Variants in USH2A observed in about 807,000 individuals in gnomAD.
The protein encoded by USH2A is usherin.
A neutral mutation model predicts 538.9 loss-of-function variants in USH2A; 443 were observed. The ratio of observed to expected loss-of-function variants is 0.82; its 90% CI spans 0.76 to 0.89. The LOEUF is 0.89. Among genes scored for constraint, USH2A ranks in the 40% least tolerant of loss-of-function variants. The pLI is 0.00. For synonymous variants in USH2A, 2,413 were observed against 2,273.5 expected, an observed-to-expected ratio of 1.06 and a Z score of -1.75; for missense variants, 6,633 against 6,324.8, an observed-to-expected ratio of 1.05 and a Z score of -1.65.
intron 32 of USH2A, among the ~76,000 whole-genome samples, chr1:216,009,741 C>A (rs1668498181): frequency 6.6e-6 from 1 of 152,148 alleles, no homozygotes; most frequent in African/African-American, 2.4e-5. Flanking sequence ...CGCTCCTCCA[C>A]CCTATAATCC....
Position 215,630,521 on chromosome 1 carries a change from T to G in USH2A, c.15298-1486A>C, listed in dbSNP as rs1212147093. On this transcript the variant is annotated intron_variant, in intron 70 of 71. Transcript: ENST00000307340. ...ATATATATATATATATATATATATA[T>G]ATATATGAGAGAGAGAAAGTTGGGT... 2.6e-3 allele frequency among the ~76,000 whole-genome samples: 300 copies of G among 116,164 alleles called. 4 individuals are homozygous for G. Among genetic ancestry groups the G allele is most frequent in the African/African-American group, 8.9e-3 (273 of 30,686 alleles). 76.2% of individuals were successfully genotyped at this position (116,164 alleles called of 152,430 possible). A position where few individuals can be genotyped will look rare whatever the true frequency, so the allele number is the denominator to read the frequency against.
chr1:215,788,793 A>T (rs11120628), intron 51 of USH2A, among the ~76,000 whole-genome samples: 3 of 151,954 alleles, frequency 2.0e-5, no homozygotes, highest in Admixed American at 2.0e-4. Context: ...TATCAGACCA[A>T]ACTATCAATC....
intron 35 of USH2A, among the ~76,000 whole-genome samples, chr1:215,986,406 C>A (rs1667876398): frequency 6.6e-6 from 1 of 151,570 alleles, no homozygotes; most frequent in East Asian, 2.0e-4. Flanking sequence ...CTCGACCTCC[C>A]AAATTGCTGG....
chr1:216,364,984 A>G lies in USH2A; in HGVS notation c.753T>C (p.Ser251=). The G allele has an allele frequency of 6.2e-7, 1 of 1,613,752 alleles. No individual in the cohort carries two copies. The highest frequency in any genetic ancestry group is 1.1e-5 in the South Asian group (1 of 91,074). Residue 251 remains serine, a synonymous_variant, in exon 4 of 72, where the codon TCT becomes TCC. Transcript: ENST00000307340. ...TLSGSITDFA[S]GTVQIGQSLN... ...AACTCTGTCCTATTTGCACAGTACC[A>G]GATGCAAAATCTGTAATTGAACCAC... is the stretch of plus-strand genomic sequence containing the variant.
intron 61 of USH2A, among the ~76,000 whole-genome samples, chr1:215,687,842 G>A (rs1314551581): frequency 6.6e-6 from 1 of 152,052 alleles, no homozygotes; most frequent in Admixed American, 6.5e-5. Flanking sequence ...CATGTATTGA[G>A]AGCTTCTTAT....
chr1:216,240,837 G>T (rs1303980986), intron 13 of USH2A, among the ~76,000 whole-genome samples: 1 of 152,140 alleles, frequency 6.6e-6, no homozygotes, highest in Non-Finnish European at 1.5e-5. Context: ...GACAGGGGAA[G>T]GAAATCCCTA....
At chr1:215,954,944 T>C (rs1330429242) in intron 37 of USH2A, among the ~76,000 whole-genome samples, 1 of 152,250 alleles carries the variant, frequency 6.6e-6, no homozygotes, top group East Asian at 1.9e-4. Context: ...CCTTTACAAA[T>C]GCCATTCACT....
chr1:215,782,591 G>A, intron 53 of USH2A, 147 bp downstream of exon 53: 1 of 875,864 alleles, frequency 1.1e-6, no homozygotes. Context: ...TGAGTGATTA[G>A]TTGTCACATA....
At chr1:215,648,315 T>C (rs1279308808) in intron 66 of USH2A, among the ~76,000 whole-genome samples, 1 of 152,244 alleles carries the variant, frequency 6.6e-6, no homozygotes, top group Non-Finnish European at 1.5e-5. Flanking sequence ...TAGTTGCTTT[T>C]ATGATTTAAA....
chr1:216,304,504 T>C (rs1488814504), intron 9 of USH2A, among the ~76,000 whole-genome samples: 1 of 152,044 alleles, frequency 6.6e-6, no homozygotes, highest in Non-Finnish European at 1.5e-5. Flanking sequence ...ATTATTATAA[T>C]AGATCTTAGC....
At chr1:216,109,015 A>C (rs186338387) in intron 21 of USH2A, among the ~76,000 whole-genome samples, 53 of 152,276 alleles carry the variant, frequency 3.5e-4, no homozygotes, top group African/African-American at 1.3e-3. Flanking sequence ...TGTTTAGCTC[A>C]ACCTTCAACC....
chr1:215,772,404 T>C (rs553981873), intron 55 of USH2A, among the ~76,000 whole-genome samples: 1 of 152,340 alleles, frequency 6.6e-6, no homozygotes, highest in Admixed American at 6.5e-5. Flanking sequence ...GCCAAGTATT[T>C]AACATTTCAG....
intron 11 of USH2A, among the ~76,000 whole-genome samples, chr1:216,264,590 A>G (rs1464033615): frequency 6.6e-6 from 1 of 152,026 alleles, no homozygotes; most frequent in African/African-American, 2.4e-5. Flanking sequence ...GAGCCACCCC[A>G]CTGAGCTAGA....
intron 32 of USH2A, among the ~76,000 whole-genome samples, chr1:216,019,219 T>G (rs1668787709): frequency 6.6e-6 from 1 of 152,154 alleles, no homozygotes; most frequent in South Asian, 2.1e-4. Context: ...AGTGAAGACA[T>G]TCTGGATGGG....
At chr1:215,738,880 C>G (rs1032611394) in intron 60 of USH2A, among the ~76,000 whole-genome samples, 1 of 152,100 alleles carries the variant, frequency 6.6e-6, no homozygotes, top group Admixed American at 6.5e-5. Context: ...GTGGCTATAA[C>G]TATATAAAGG....
Position 216,386,271 on chromosome 1 carries a change from G to A in USH2A, c.652-21186C>T, listed in dbSNP as rs1446973055. Reference sequence around the variant, plus strand: ...CCAGCACTTTGGGAGGCTAAGGCAGGCGGATCACAAGGTCAGGAGATTGAG... The same window carrying A: ...CCAGCACTTTGGGAGGCTAAGGCAGACGGATCACAAGGTCAGGAGATTGAG... On this transcript the variant is annotated intron_variant, in intron 3 of 71. Coordinates refer to ENST00000307340, the MANE Select transcript of USH2A (RefSeq NM_206933.4). Among the ~76,000 whole-genome samples the A allele has an allele frequency of 1.1e-4, 16 of 152,096 alleles. No homozygotes were observed. The East Asian group carries it at 1.2e-3, about 11-fold the overall frequency.
Position 216,163,729 on chromosome 1 carries a change from T to C in USH2A, c.4627+11523A>G, listed in dbSNP as rs2034112113. Among the ~76,000 whole-genome samples, 4 of 152,044 alleles carry C rather than the reference T, an allele frequency of 2.6e-5. No homozygotes were observed. In the South Asian group the frequency reaches 8.3e-4, roughly 32 times the overall value. ...ATGATTTGCTCTTCTAGGATTTCAA[T>C]TGAAAACCTGGCATGTATACCAGGA... On this transcript the variant is annotated intron_variant, in intron 21 of 71. Transcript: ENST00000307340.
chr1:216,081,597 T>A (rs1471597259), intron 26 of USH2A, among the ~76,000 whole-genome samples: 4 of 152,188 alleles, frequency 2.6e-5, no homozygotes, highest in African/African-American at 9.6e-5. Context: ...ATTGATTTTT[T>A]TTTGTTTTGT....
intron 35 of USH2A, among the ~76,000 whole-genome samples, chr1:215,989,891 G>C (rs1667964210): frequency 1.3e-5 from 2 of 152,016 alleles, no homozygotes; most frequent in Non-Finnish European, 1.5e-5. Context: ...AATACCCAGG[G>C]GTATTTTGAT....
Sources: allele counts gnomAD v4.1 joint callset (sites outside exome capture counted in the v4.1 genomes callset), GRCh38; gene constraint gnomAD v4.1.1; transcripts MANE v1.5; gene names NCBI Gene and HGNC (gene_info 2026-07-23, HGNC 2026-07-21).